The following TNFRSF11B variants were observed in gnomAD, a reference collection of about 807,000 sequenced individuals.
TNFRSF11B encodes the protein tumor necrosis factor receptor superfamily member 11B.
Under a neutral mutation model 43.4 loss-of-function variants are expected in TNFRSF11B, and 16 were observed. The observed-to-expected ratio is 0.37, with a 90% CI of 0.25 to 0.56. The LOEUF is 0.56. Ranked by LOEUF, TNFRSF11B falls within the 20% of genes least tolerant of loss-of-function variation. TNFRSF11B has a pLI of 0.80. For synonymous variants in TNFRSF11B, 185 were observed against 181.8 expected (o/e 1.02, Z -0.14); for missense variants, 444 against 490.1 (o/e 0.91, Z 0.89).
chr8:118,950,303 T>G (rs1265288016), intron 1 of TNFRSF11B, among the ~76,000 whole-genome samples: 2 of 152,202 alleles, frequency 1.3e-5, no homozygotes, highest in African/African-American at 4.8e-5. Context: ...TTGTGGTGTG[T>G]CCATACAATG....
chr8:118,928,909 C>T lies in TNFRSF11B; in HGVS notation c.421G>A (p.Val141Ile). The T allele has an allele frequency of 6.2e-7, 1 of 1,614,172 alleles. No individual in the cohort carries two copies. Among genetic ancestry groups the T allele is most frequent in the Non-Finnish European group, 8.5e-7 (1 of 1,180,030 alleles). ...VQAGTPERNT[V>I]CKRCPDGFFS... ...AACCCATCTGGACATCTTTTGCAAA[C>T]TGTATTTCGCTCTGGGGTTCCTACA... Residue 141 changes from valine (V) to isoleucine (I), a missense_variant, in exon 3 of 5, where the codon GTT (valine) becomes ATT (isoleucine). Physicochemically the swap from Val to Ile is conservative, Grantham distance 29. Transcript: ENST00000297350.
chr8:118,941,095 A>G (rs1812478141), intron 1 of TNFRSF11B, among the ~76,000 whole-genome samples: 1 of 152,214 alleles, frequency 6.6e-6, no homozygotes, highest in Non-Finnish European at 1.5e-5. Flanking sequence ...CTCATCTGTA[A>G]AATGATAGTG....
Position 118,924,646 on chromosome 8 carries a change from T to G in TNFRSF11B, c.934A>C (p.Ile312Leu). 6.2e-7 allele frequency: 1 copy of G among 1,614,216 alleles called. No individual in the cohort carries two copies. The highest frequency in any genetic ancestry group is 2.2e-5 in the East Asian group (1 of 44,890). Reference sequence around the variant, plus strand: ...TTGCATGCCTTTATTGTTTTTTCAATGTCTTCTGCTCCCACTTTCTTTCCC... The same window carrying G: ...TTGCATGCCTTTATTGTTTTTTCAAGGTCTTCTGCTCCCACTTTCTTTCCC... ...LPGKKVGAED[I>L]EKTIKACKPS... is the part of the protein sequence containing the mutation. Residue 312 changes from isoleucine (I) to leucine (L), a missense_variant, in exon 5 of 5, where the codon ATT (isoleucine) becomes CTT (leucine). Coordinates refer to ENST00000297350, the MANE Select transcript of TNFRSF11B (RefSeq NM_002546.4).
In TNFRSF11B at chr8:118,928,841, G is replaced by A. The variant is rs1054249127; in HGVS notation, c.489C>T (p.His163=). The change falls in exon 3 of 5, where the codon CAC becomes CAT. Residue 163 remains histidine, a synonymous_variant. Coordinates refer to ENST00000297350, the MANE Select transcript of TNFRSF11B (RefSeq NM_002546.4). ...ETSSKAPCRK[H]TNCSVFGLLL... is the part of the protein sequence containing the mutation. ...GGAGACCAAAGACACTGCAATTTGT[G>A]TGTTTTCTACAGGGTGCTTTAGATG... 6.2e-7 allele frequency: 1 copy of A among 1,614,176 alleles called. No homozygotes were observed. Among genetic ancestry groups the A allele is most frequent in the Non-Finnish European group, 8.5e-7 (1 of 1,180,026 alleles).
At chr8:118,949,548 A>G (rs1812610700) in intron 1 of TNFRSF11B, among the ~76,000 whole-genome samples, 4 of 152,232 alleles carry the variant, frequency 2.6e-5, no homozygotes, top group Non-Finnish European at 1.5e-5. Flanking sequence ...GTCATTTCTC[A>G]GGTAAGTGGT....
chr8:118,926,663 C>T lies in TNFRSF11B; in HGVS notation c.648G>A (p.Thr216=), dbSNP rs371614996. 8.7e-6 allele frequency: 14 copies of T among 1,613,860 alleles called. No homozygotes were observed. Among genetic ancestry groups the T allele is most frequent in the South Asian group, 3.3e-5 (3 of 91,088 alleles). Residue 216 remains threonine (T), a synonymous_variant, in exon 4 of 5, where the codon ACG becomes ACA. Transcript: ENST00000297350. Reference sequence around the variant, plus strand: ...CTACCAAGACACTAAGCCAGTTAGGCGTAAACTTTGTAGGAACAGCAAACC... The same window carrying T: ...CTACCAAGACACTAAGCCAGTTAGGTGTAAACTTTGTAGGAACAGCAAACC... ...FFRFAVPTKF[T]PNWLSVLVDN...
intron 2 of TNFRSF11B, among the ~76,000 whole-genome samples, chr8:118,929,882 A>G (rs1008542299): frequency 6.6e-6 from 1 of 152,280 alleles, no homozygotes. Flanking sequence ...GATAACAAAT[A>G]TGAAAGAGAA....
chr8:118,938,196 G>A (rs1812429697), intron 1 of TNFRSF11B, among the ~76,000 whole-genome samples: 1 of 152,040 alleles, frequency 6.6e-6, no homozygotes, highest in African/African-American at 2.4e-5. Context: ...TGCCCAGGCT[G>A]GTCTTGAACT....
chr8:118,942,412 G>A (rs1208754466), intron 1 of TNFRSF11B, among the ~76,000 whole-genome samples: 1 of 151,946 alleles, frequency 6.6e-6, no homozygotes, highest in African/African-American at 2.4e-5. Context: ...TATGACAATG[G>A]ACAGCTAGTG....
chr8:118,951,532 CT>C (rs1812645219), intron 1 of TNFRSF11B, among the ~76,000 whole-genome samples: 1 of 152,202 alleles, frequency 6.6e-6, no homozygotes, highest in Non-Finnish European at 1.5e-5. Context: ...CTCTCTCTCT[CT>C]CTCTCTCCCT....
At position 118,932,886 on chromosome 8, in the gene TNFRSF11B, G is replaced by A. The variant is rs776161597; in HGVS notation, c.400+45C>T. ...TTCTCCTAAACTGTCACAACTATCT[G>A]ACTTTGCATGATCCTAATTAATTTT... On this transcript the variant is annotated intron_variant, in intron 2 of 4. Transcript: ENST00000297350. 1.2e-5 allele frequency: 20 copies of A among 1,612,082 alleles called. No homozygotes were observed. In the South Asian group the frequency reaches 2.2e-4, roughly 18 times the overall value.
chr8:118,933,075 C>T lies in TNFRSF11B; in HGVS notation c.256G>A (p.Val86Met), dbSNP rs371566584. 55 of 1,614,042 alleles carry T rather than the reference C, an allele frequency of 3.4e-5. No homozygotes were observed. Among genetic ancestry groups the T allele is most frequent in the African/African-American group, 2.8e-4 (21 of 74,912 alleles). ...TTGACGTACTGCAGCTCCTTGCACA[C>T]GGGGCTGCAGTATAGACACTCGTCA... ...TSDECLYCSP[V>M]CKELQYVKQE... The change falls in exon 2 of 5, where the codon GTG becomes ATG. Residue 86 changes from valine (V) to methionine (M), a missense_variant. Coordinates refer to ENST00000297350, the MANE Select transcript of TNFRSF11B (RefSeq NM_002546.4).
chr8:118,929,045 T>A, intron 2 of TNFRSF11B, 116 bp from the exon 3 acceptor site: 1 of 876,288 alleles, frequency 1.1e-6, no homozygotes, highest in Non-Finnish European at 1.8e-6. Context: ...ACTATTATGT[T>A]GCACAAAACT....
At position 118,923,856 on chromosome 8, in the gene TNFRSF11B, CAG is replaced by C. The variant is rs1306683937; in HGVS notation, c.*516_*517del. ...TTTCTCTTTCATTTGTCATAATAAA[CAG>C]AATATAATTTTCTTTCTAAAATTAA... On this transcript the variant is annotated 3_prime_UTR_variant, in exon 5 of 5. Transcript: ENST00000297350. The C allele has an allele frequency of 5.9e-5, 9 of 152,558 alleles. No individual in the cohort carries two copies. Among genetic ancestry groups the C allele is most frequent in the East Asian group, 1.9e-4 (1 of 5,200 alleles). 9.5% of individuals were successfully genotyped at this position (152,558 alleles called of 1,614,324 possible).
chr8:118,938,324 C>T (rs540342254), intron 1 of TNFRSF11B, among the ~76,000 whole-genome samples: 10 of 152,028 alleles, frequency 6.6e-5, no homozygotes, highest in Non-Finnish European at 1.2e-4. Context: ...TAAAGCAACT[C>T]TGTGCCAGAC....
At chr8:118,932,055 A>G (rs1812337557) in intron 2 of TNFRSF11B, among the ~76,000 whole-genome samples, 1 of 152,230 alleles carries the variant, frequency 6.6e-6, no homozygotes, top group South Asian at 2.1e-4. Context: ...TTCTTAAAAT[A>G]TCAGCAGGGC....
rs1313748377 is a variant in TNFRSF11B, at chr8:118,924,730, G to A, written c.850C>T (p.His284Tyr). The change falls in exon 5 of 5, where the codon CAC (histidine) becomes TAC (tyrosine). Residue 284 changes from histidine (H) to tyrosine (Y), a missense_variant. By Grantham distance (83) the His-to-Tyr change is moderately conservative (BLOSUM62 2). Transcript: ENST00000297350. ...AAGGTGAGGTTAGCATGTCCAATGTGCCGCTGCACGCTGTTTTCACAGAGG... is the reference window on the plus strand; with the variant it reads ...AAGGTGAGGTTAGCATGTCCAATGTACCGCTGCACGCTGTTTTCACAGAGG... ...IDLCENSVQRHIGHANLTFEQ... is the reference protein window; with the variant it reads ...IDLCENSVQRYIGHANLTFEQ... The A allele has an allele frequency of 6.2e-7, 1 of 1,614,166 alleles. No homozygotes were observed. Among genetic ancestry groups the A allele is most frequent in the Non-Finnish European group, 8.5e-7 (1 of 1,180,030 alleles).
intron 1 of TNFRSF11B, among the ~76,000 whole-genome samples, chr8:118,939,342 A>G (rs1430783416): frequency 6.6e-6 from 1 of 152,194 alleles, no homozygotes; most frequent in African/African-American, 2.4e-5. Context: ...GTGGAGTTGA[A>G]TAAGTTAATG....
Position 118,923,925 on chromosome 8 carries a change from T to C in TNFRSF11B, c.*449A>G, listed in dbSNP as rs1812214380. 1 of 156,318 alleles carries C rather than the reference T, an allele frequency of 6.4e-6. No homozygotes were observed. Among genetic ancestry groups the C allele is most frequent in the African/African-American group, 2.4e-5 (1 of 41,496 alleles). 9.7% of individuals were successfully genotyped at this position (156,318 alleles called of 1,614,324 possible). A position where few individuals can be genotyped will look rare whatever the true frequency, so the allele number is the denominator to read the frequency against. On this transcript the variant is annotated 3_prime_UTR_variant, in exon 5 of 5. Transcript: ENST00000297350. The stretch of plus-strand genomic sequence containing the variant: ...ATAGGATGATAATATGTACAAATCT[T>C]ATATCTGAATGAATATAAATAGCAA...
Sources: allele counts gnomAD v4.1 joint callset (sites outside exome capture counted in the v4.1 genomes callset), GRCh38; gene constraint gnomAD v4.1.1; transcripts MANE v1.5; gene names NCBI Gene and HGNC (gene_info 2026-07-23, HGNC 2026-07-21).